Variants in GALNT1 observed in about 807,000 individuals in gnomAD.
GALNT1 encodes the protein polypeptide N-acetylgalactosaminyltransferase 1.
GALNT1 carries 17 observed loss-of-function variants against 65.7 expected under a neutral mutation model. That is an observed-to-expected ratio of 0.26 (90% CI 0.18 to 0.39). The LOEUF is 0.39. Ranked by LOEUF, GALNT1 falls within the 10% of genes least tolerant of loss-of-function variation. The pLI, the probability that GALNT1 is intolerant of heterozygous loss-of-function variation, is 1.00. For missense variants in GALNT1, 460 were observed against 672.8 expected, an observed-to-expected ratio of 0.68 and a Z score of 3.50; for synonymous variants, 210 against 219.7, an observed-to-expected ratio of 0.96 and a Z score of 0.39.
chr18:35,653,286 A>G (rs182245521), intron 1 of GALNT1, among the ~76,000 whole-genome samples: 15 of 152,364 alleles, frequency 9.8e-5, no homozygotes, highest in Admixed American at 8.5e-4. Context: ...CTTTACATTT[A>G]TAAGTATCAC....
chr18:35,677,841 A>C (rs867319533), intron 4 of GALNT1, 84 bp downstream of exon 4: 1 of 975,296 alleles, frequency 1.0e-6, no homozygotes. Flanking sequence ...TTTTAACCTA[A>C]TAATTTTATA....
rs766455856 is a variant in GALNT1 at position 35,703,596 on chromosome 18, A to C, written c.1486A>C (p.Lys496Gln). 1.2e-6 allele frequency: 2 copies of C among 1,614,068 alleles called. No homozygotes were observed. Among genetic ancestry groups the C allele is most frequent in the Non-Finnish European group, 1.7e-6 (2 of 1,179,960 alleles). Reference sequence around the variant, plus strand: ...ACTTAATGGCCCAGTTACAATGCTCAAATGCCACCACCTAAAAGGCAACCA... The same window carrying C: ...ACTTAATGGCCCAGTTACAATGCTCCAATGCCACCACCTAAAAGGCAACCA... ...SKLNGPVTML[K>Q]CHHLKGNQLW... Residue 496 changes from lysine to glutamine, a missense_variant, in exon 11 of 12, where the codon AAA becomes CAA. Physicochemically the swap from Lys to Gln is moderately conservative, Grantham distance 53. Coordinates refer to ENST00000269195, the MANE Select transcript of GALNT1 (RefSeq NM_020474.4).
rs113101919 is a variant in GALNT1 at position 35,591,848 on chromosome 18, A to G, written c.-104+9986A>G. The G allele has an allele frequency of 9.1e-3, 1,410 of 154,496 alleles. 30 individuals are homozygous for G. The highest frequency in any genetic ancestry group is 0.032 in the African/African-American group (1,324 of 41,636). The allele number at this position is 154,496 out of a possible 1,614,324, so 9.6% of individuals were successfully genotyped here. ...CATACAGGTGCATTTTTAGAAATGG[A>G]ATCAGATGGTCTCGTCAATGGGTGA... On this transcript the variant is annotated intron_variant, in intron 1 of 11. Coordinates refer to ENST00000269195, the MANE Select transcript of GALNT1 (RefSeq NM_020474.4).
chr18:35,611,313 T>C (rs1352185126), intron 1 of GALNT1, among the ~76,000 whole-genome samples: 1 of 152,146 alleles, frequency 6.6e-6, no homozygotes. Context: ...AAGGGATTGA[T>C]ACCTCTAAGG....
At chr18:35,620,358 G>T (rs1025763330) in intron 1 of GALNT1, among the ~76,000 whole-genome samples, 5 of 152,130 alleles carry the variant, frequency 3.3e-5, no homozygotes, top group Non-Finnish European at 7.3e-5. Context: ...AATCTTCAAG[G>T]CAGGCCAGAA....
intron 1 of GALNT1, among the ~76,000 whole-genome samples, chr18:35,635,195 G>A (rs1488291421): frequency 6.6e-6 from 1 of 152,112 alleles, no homozygotes; most frequent in Non-Finnish European, 1.5e-5. Context: ...AGAATCACAG[G>A]GACATGCTTT....
chr18:35,670,942 T>TG (rs2047625660), intron 3 of GALNT1, among the ~76,000 whole-genome samples: 1 of 152,180 alleles, frequency 6.6e-6, no homozygotes, highest in Admixed American at 6.5e-5. Context: ...AACTGCATCT[T>TG]TACCTCACAT....
rs568367362 is a variant in GALNT1 at position 35,699,884 on chromosome 18, T to A, written c.1300-3013T>A. On this transcript the variant is annotated intron_variant, in intron 9 of 11. Transcript: ENST00000269195. Reference sequence around the variant, plus strand: ...ACCCTTTCTACCCTCCACATCTCATTAGAAAGCTGGTAATTGGTTATATAG... The same window carrying A: ...ACCCTTTCTACCCTCCACATCTCATAAGAAAGCTGGTAATTGGTTATATAG... Among the ~76,000 whole-genome samples the A allele has an allele frequency of 2.0e-5, 3 of 152,320 alleles. No individual in the cohort carries two copies. The South Asian group carries it at 6.2e-4, about 32-fold the overall frequency.
intron 9 of GALNT1, among the ~76,000 whole-genome samples, chr18:35,700,522 A>G (rs1489717805): frequency 6.6e-6 from 1 of 152,216 alleles, no homozygotes; most frequent in Admixed American, 6.5e-5. Flanking sequence ...AGTGGTTTCC[A>G]GTCCTTGGAG....
At chr18:35,595,830 A>G (rs1013963940) in intron 1 of GALNT1, 3 of 152,240 alleles carry the variant, frequency 2.0e-5, no homozygotes, top group African/African-American at 7.2e-5. Context: ...AATGGAAGTC[A>G]TAAATATTTC....
chr18:35,631,984 A>G (rs1244708855), intron 1 of GALNT1, among the ~76,000 whole-genome samples: 1 of 152,202 alleles, frequency 6.6e-6, no homozygotes, highest in African/African-American at 2.4e-5. Context: ...TAGGAATCCA[A>G]CTTACAAGGG....
At chr18:35,639,855 G>C (rs1039215408) in intron 1 of GALNT1, among the ~76,000 whole-genome samples, 5 of 152,066 alleles carry the variant, frequency 3.3e-5, no homozygotes, top group Non-Finnish European at 5.9e-5. Flanking sequence ...GGAGTGCAGT[G>C]GTGCGATCTC....
intron 1 of GALNT1, among the ~76,000 whole-genome samples, chr18:35,599,958 G>A (rs1192975159): frequency 6.6e-6 from 1 of 152,196 alleles, no homozygotes; most frequent in African/African-American, 2.4e-5. Context: ...GTCAGGTAGT[G>A]TGATGCCTAC....
At chr18:35,644,528 A>G (rs2047205301) in intron 1 of GALNT1, among the ~76,000 whole-genome samples, 1 of 152,172 alleles carries the variant, frequency 6.6e-6, no homozygotes, top group African/African-American at 2.4e-5. Context: ...TTATCTTTCT[A>G]CATATTCACT....
At chr18:35,622,162 A>G (rs2046860555) in intron 1 of GALNT1, among the ~76,000 whole-genome samples, 1 of 152,154 alleles carries the variant, frequency 6.6e-6, no homozygotes, top group South Asian at 2.1e-4. Context: ...TTTTTTCTTT[A>G]CTATAGAAAT....
At chr18:35,651,406 TA>T (rs1371985161) in intron 1 of GALNT1, among the ~76,000 whole-genome samples, 1 of 152,208 alleles carries the variant, frequency 6.6e-6, no homozygotes, top group Non-Finnish European at 1.5e-5. Flanking sequence ...GATTTTGTAA[TA>T]TATTAATTTT....
chr18:35,656,963 A>G (rs1199134843), intron 2 of GALNT1, among the ~76,000 whole-genome samples: 2 of 152,202 alleles, frequency 1.3e-5, no homozygotes, highest in Non-Finnish European at 1.5e-5. Flanking sequence ...AGGGAATAAG[A>G]GAAAGAGAAA....
At chr18:35,582,804 G>A (rs2046338582) in intron 1 of GALNT1, among the ~76,000 whole-genome samples, 1 of 152,196 alleles carries the variant, frequency 6.6e-6, no homozygotes, top group African/African-American at 2.4e-5. Context: ...CAGCAGAGTT[G>A]GGATTCAAAC....
intron 1 of GALNT1, among the ~76,000 whole-genome samples, chr18:35,604,693 T>C (rs1399727408): frequency 6.6e-6 from 1 of 152,246 alleles, no homozygotes; most frequent in Non-Finnish European, 1.5e-5. Flanking sequence ...TTCATATGCT[T>C]ATTGGCCGTG....
Sources: gnomAD v4.1 joint callset for allele counts (sites outside exome capture counted in the v4.1 genomes callset) on GRCh38, gnomAD v4.1.1 for gene constraint, MANE v1.5 for transcripts, NCBI Gene and HGNC (gene_info 2026-07-23, HGNC 2026-07-21) for gene names.